PXN: variants seen among roughly 807,000 people sequenced by gnomAD.
PXN encodes paxillin.
Under a neutral mutation model 103.6 loss-of-function variants are expected in PXN, and 61 were observed. The ratio of observed to expected loss-of-function variants is 0.59; its 90% confidence interval spans 0.48 to 0.73. The LOEUF is 0.73. PXN is among the 30% of genes least tolerant of loss of function. The pLI, the probability that PXN is intolerant of heterozygous loss-of-function variation, is 0.00. For missense variants in PXN, 1,274 were observed against 1,460.3 expected, an observed-to-expected ratio of 0.87 and a Z score of 2.08; for synonymous variants, 562 against 607.8, an observed-to-expected ratio of 0.92 and a Z score of 1.11.
chr12:120,256,843 G>A (rs1051562672), intron 1 of PXN, among the ~76,000 whole-genome samples: 2 of 151,896 alleles, frequency 1.3e-5, no homozygotes, highest in Non-Finnish European at 2.9e-5. Flanking sequence ...TCAGCCTCCC[G>A]AGTAGCTGGG....
At chr12:120,223,945 G>T in intron 2 of PXN, 112 bp from the exon 3 acceptor site, 1 of 927,692 alleles carries the variant, frequency 1.1e-6, no homozygotes, top group Non-Finnish European at 1.6e-6. Context: ...GTCTCACCAG[G>T]GAATTTCCAC....
intron 1 of PXN, among the ~76,000 whole-genome samples, chr12:120,236,417 C>A (rs1889054626): frequency 6.6e-6 from 1 of 152,030 alleles, no homozygotes; most frequent in Non-Finnish European, 1.5e-5. Flanking sequence ...CTCCTGGGAT[C>A]CCACCTCAGC....
intron 1 of PXN, chr12:120,226,004 C>G: frequency 9.5e-7 from 1 of 1,055,322 alleles, no homozygotes; most frequent in Non-Finnish European, 1.2e-6. Context: ...TCAGGTCCTA[C>G]AGCCCGCCCC....
Position 120,214,250 on chromosome 12 carries a change from C to G in PXN, c.2749-33G>C. 3 of 1,535,432 alleles carry G rather than the reference C, an allele frequency of 2.0e-6. No homozygotes were observed. Among genetic ancestry groups the G allele is most frequent in the South Asian group, 2.4e-5 (2 of 83,736 alleles). Reference sequence around the variant, plus strand: ...AGCAAAATGTGGGATCAAGGCTGAGCTCTGGGCAGATCTCACAACTGAGAC... The same window carrying G: ...AGCAAAATGTGGGATCAAGGCTGAGGTCTGGGCAGATCTCACAACTGAGAC... On this transcript the variant is annotated intron_variant, in intron 12 of 14. Coordinates refer to ENST00000637617, the MANE Select transcript of PXN (RefSeq NM_001385981.1). This position sits in a 1 kb window ranked among gnomAD's most constrained non-coding sequence, Gnocchi z 5.0.
At position 120,215,707 on chromosome 12, in the gene PXN, TAAG is replaced by T; in HGVS notation, c.2302-49_2302-47del. 4 of 1,545,596 alleles carry T rather than the reference TAAG, an allele frequency of 2.6e-6. No homozygotes were observed. Among genetic ancestry groups the T allele is most frequent in the Non-Finnish European group, 3.5e-6 (4 of 1,144,886 alleles). ...AGGGTAAGAAATCTTTTTTAAAAAT[TAAG>T]AAAGAATACAAGACCTTGTCACTGG... On this transcript the variant is annotated intron_variant, in intron 9 of 14. Coordinates refer to ENST00000637617, the MANE Select transcript of PXN (RefSeq NM_001385981.1). The surrounding 1 kb of genome is among the most constrained non-coding windows in gnomAD (Gnocchi z 4.9).
In PXN at chr12:120,211,897, T is replaced by C. The variant is rs1453822705; in HGVS notation, c.*417A>G. On this transcript the variant is annotated 3_prime_UTR_variant, in exon 15 of 15. Coordinates refer to ENST00000637617, the MANE Select transcript of PXN (RefSeq NM_001385981.1). ...TAATCACAGAACAAAGACAATTAGG[T>C]CGGGGGAGGAATAAGGATAAAAAGA... 1 of 520,934 alleles carries C rather than the reference T, an allele frequency of 1.9e-6. No homozygotes were observed. Among genetic ancestry groups the C allele is most frequent in the East Asian group, 5.4e-5 (1 of 18,470 alleles). 32.3% of individuals were successfully genotyped at this position (520,934 alleles called of 1,614,324 possible).
chr12:120,224,006 G>A lies in PXN; in HGVS notation c.240+145C>T, dbSNP rs893799856. On this transcript the variant is annotated intron_variant, in intron 2 of 14. Coordinates refer to ENST00000637617, the MANE Select transcript of PXN (RefSeq NM_001385981.1). This position sits in a 1 kb window ranked among gnomAD's most constrained non-coding sequence, Gnocchi z 5.0. Reference sequence around the variant, plus strand: ...ACCACTTGGTCACTGTTCCACTCACGTGGTGAGTGGGAAGAGCAGTGTCTG... The same window carrying A: ...ACCACTTGGTCACTGTTCCACTCACATGGTGAGTGGGAAGAGCAGTGTCTG... 8.0e-5 allele frequency: 63 copies of A among 788,276 alleles called. No homozygotes were observed. The highest frequency in any genetic ancestry group is 1.1e-4 in the Non-Finnish European group (57 of 497,820). 48.8% of individuals were successfully genotyped at this position (788,276 alleles called of 1,614,324 possible). A position where few individuals can be genotyped will look rare whatever the true frequency, so the allele number is the denominator to read the frequency against.
At chr12:120,234,266 G>T (rs2136439602) in intron 1 of PXN, among the ~76,000 whole-genome samples, 1 of 152,060 alleles carries the variant, frequency 6.6e-6, no homozygotes, top group East Asian at 1.9e-4. Context: ...AAATTTAGTT[G>T]AGCATGGTGG....
rs982276378 is a variant in PXN, at chr12:120,217,641, G to A, written c.1717-525C>T. ...GTCGCCCAGGCTGGAATGCAGTGGCGCGATCTGGTCTCACTGCAACCTCCG... is the reference window on the plus strand; with the variant it reads ...GTCGCCCAGGCTGGAATGCAGTGGCACGATCTGGTCTCACTGCAACCTCCG... On this transcript the variant is annotated intron_variant, in intron 7 of 14. Transcript: ENST00000637617. The surrounding 1 kb of genome is among the most constrained non-coding windows in gnomAD (Gnocchi z 4.1). Among the ~76,000 whole-genome samples the A allele has an allele frequency of 2.0e-5, 3 of 151,934 alleles. No individual in the cohort carries two copies. The highest frequency in any genetic ancestry group is 4.4e-5 in the Non-Finnish European group (3 of 67,974).
In PXN at chr12:120,224,566, A is replaced by G. The variant is rs1477392565; in HGVS notation, c.14-189T>C. 2 of 705,358 alleles carry G rather than the reference A, an allele frequency of 2.8e-6. No individual in the cohort carries two copies. Among genetic ancestry groups the G allele is most frequent in the Non-Finnish European group, 5.2e-6 (2 of 386,756 alleles). 43.7% of individuals were successfully genotyped at this position (705,358 alleles called of 1,614,324 possible). Reference sequence around the variant, plus strand: ...AGCCTAACCAAGAGCCGGCTCCCAAAGCTAACTTCTTCTGGCCACCCAGGA... The same window carrying G: ...AGCCTAACCAAGAGCCGGCTCCCAAGGCTAACTTCTTCTGGCCACCCAGGA... On this transcript the variant is annotated intron_variant, in intron 1 of 14. Transcript: ENST00000637617. This position sits in a 1 kb window ranked among gnomAD's most constrained non-coding sequence, Gnocchi z 5.0.
In PXN at chr12:120,225,909, C is replaced by A. The variant is rs1358141434; in HGVS notation, c.14-1532G>T. On this transcript the variant is annotated intron_variant, in intron 1 of 14. Transcript: ENST00000637617. The surrounding 1 kb of genome is among the most constrained non-coding windows in gnomAD (Gnocchi z 4.4). ...TACCCTCAAGGCTGGCCACACCTACCCCATGCTCCTGCCCAGATGGACAGA... is the reference window on the plus strand; with the variant it reads ...TACCCTCAAGGCTGGCCACACCTACACCATGCTCCTGCCCAGATGGACAGA... The A allele has an allele frequency of 2.8e-5, 8 of 284,884 alleles. No homozygotes were observed. The highest frequency in any genetic ancestry group is 5.8e-5 in the Admixed American group (1 of 17,336). The allele number at this position is 284,884 out of a possible 1,614,324, so 17.6% of individuals were successfully genotyped here. A position where few individuals can be genotyped will look rare whatever the true frequency, so the allele number is the denominator to read the frequency against.
In PXN at chr12:120,224,103, T is replaced by C. The variant is rs1244560356; in HGVS notation, c.240+48A>G. 1 of 1,427,412 alleles carries C rather than the reference T, an allele frequency of 7.0e-7. No individual in the cohort carries two copies. Among genetic ancestry groups the C allele is most frequent in the East Asian group, 2.5e-5 (1 of 40,224 alleles). 88.4% of individuals were successfully genotyped at this position (1,427,412 alleles called of 1,614,324 possible). A position where few individuals can be genotyped will look rare whatever the true frequency, so the allele number is the denominator to read the frequency against. On this transcript the variant is annotated intron_variant, in intron 2 of 14. Coordinates refer to ENST00000637617, the MANE Select transcript of PXN (RefSeq NM_001385981.1). The surrounding 1 kb of genome is among the most constrained non-coding windows in gnomAD (Gnocchi z 5.0). ...CTAAGCCCCTGCCAGCTAAGTTCCC[T>C]CTGTCCCCCAGCCTCCTTGGCCTTC...
intron 1 of PXN, among the ~76,000 whole-genome samples, chr12:120,235,444 C>T (rs1566412465): frequency 1.3e-5 from 2 of 152,132 alleles, no homozygotes; most frequent in South Asian, 2.1e-4. Flanking sequence ...CCCCATAAGG[C>T]CCCACGAGGA....
Position 120,212,889 on chromosome 12 carries a change from A to T in PXN, c.2980-309T>A. 1 of 275,218 alleles carries T rather than the reference A, an allele frequency of 3.6e-6. No homozygotes were observed. The highest frequency in any genetic ancestry group is 6.9e-6 in the Non-Finnish European group (1 of 144,724). 17.0% of individuals were successfully genotyped at this position (275,218 alleles called of 1,614,324 possible). Reference sequence around the variant, plus strand: ...TCCCAACAGGGGAGGCAACTGAAGCACACAGGTGAAGTAACTTGCCCAGGG... The same window carrying T: ...TCCCAACAGGGGAGGCAACTGAAGCTCACAGGTGAAGTAACTTGCCCAGGG... On this transcript the variant is annotated intron_variant, in intron 14 of 14. Coordinates refer to ENST00000637617, the MANE Select transcript of PXN (RefSeq NM_001385981.1). This position sits in a 1 kb window ranked among gnomAD's most constrained non-coding sequence, Gnocchi z 7.2.
At chr12:120,226,162 T>G in intron 1 of PXN, 1 of 1,201,032 alleles carries the variant, frequency 8.3e-7, no homozygotes, top group Non-Finnish European at 1.1e-6. Flanking sequence ...CCTGCTGTCT[T>G]GGCTTCACGC....
At chr12:120,242,696 G>A (rs1890364114) in intron 1 of PXN, among the ~76,000 whole-genome samples, 1 of 152,198 alleles carries the variant, frequency 6.6e-6, no homozygotes, top group Middle Eastern at 3.4e-3. Context: ...GTCCAGCCTG[G>A]CCAACATGGA....
In PXN at chr12:120,221,661, C is replaced by A. The variant is rs753048962; in HGVS notation, c.793G>T (p.Glu265Ter). ...AGCGAAGCCATCAGCTCGTCCAGCT[C>A]CCTGGTGGCAGAGGAGGCCGAGATG... ...TRISASSATR[E>*]LDELMASLSD... The change falls in exon 6 of 15, where the codon GAG (glutamate) becomes TAG (stop). Residue 265 changes from glutamate to a stop codon, truncating the protein, a stop_gained. Coordinates refer to ENST00000637617, the MANE Select transcript of PXN (RefSeq NM_001385981.1). LOFTEE classifies it high-confidence loss of function. The surrounding 1 kb of genome is among the most constrained non-coding windows in gnomAD (Gnocchi z 6.6). 6.4e-7 allele frequency: 1 copy of A among 1,563,940 alleles called. No homozygotes were observed. Among genetic ancestry groups the A allele is most frequent in the Non-Finnish European group, 8.7e-7 (1 of 1,154,376 alleles).
In PXN at chr12:120,222,917, G is replaced by A. The variant is rs771290888; in HGVS notation, c.439C>T (p.Arg147Cys). ...SLGSNLSELD[R>C]LLLELNAVQH... is the part of the protein sequence containing the mutation. ...ACAGCGTTCAGTTCCAGCAGCAGGC[G>A]GTCGAGTTCAGAAAGGTTGCTGCCC... The change falls in exon 4 of 15, where the codon CGC (arginine) becomes TGC (cysteine). Residue 147 changes from arginine to cysteine, a missense_variant. Around this residue, in one of 2 missense-constraint regions of PXN, gnomAD observed 1,178 missense variants for 1,309.0 expected, o/e 0.90. Transcript: ENST00000637617. The surrounding 1 kb of genome is among the most constrained non-coding windows in gnomAD (Gnocchi z 4.7). 14 of 1,613,962 alleles carry A rather than the reference G, an allele frequency of 8.7e-6. No individual in the cohort carries two copies. Among genetic ancestry groups the A allele is most frequent in the Middle Eastern group, 1.6e-4 (1 of 6,062 alleles).
In PXN at chr12:120,214,121, C is replaced by T. The variant is rs768251599; in HGVS notation, c.2830+15G>A. On this transcript the variant is annotated intron_variant, in intron 13 of 14. Coordinates refer to ENST00000637617, the MANE Select transcript of PXN (RefSeq NM_001385981.1). This position sits in a 1 kb window ranked among gnomAD's most constrained non-coding sequence, Gnocchi z 5.0. ...CCTAAGAGGCGGTGGGTCAGTCCGCCGGTCCAGCCCGTACCTTCGGGACCA... is the reference window on the plus strand; with the variant it reads ...CCTAAGAGGCGGTGGGTCAGTCCGCTGGTCCAGCCCGTACCTTCGGGACCA... The T allele has an allele frequency of 1.9e-5, 30 of 1,553,632 alleles. No homozygotes were observed. The East Asian group carries it at 3.7e-4, about 19-fold the overall frequency.
Sources: allele counts gnomAD v4.1 joint callset (sites outside exome capture counted in the v4.1 genomes callset), GRCh38; gene constraint gnomAD v4.1.1; regional missense constraint gnomAD v4.1.1; non-coding constraint Gnocchi (gnomAD v3.1); transcripts MANE v1.5; gene names NCBI Gene and HGNC (gene_info 2026-07-23, HGNC 2026-07-21).